SPECC1: variants seen among roughly 807,000 people sequenced by gnomAD.
SPECC1 encodes the protein cytospin-B.
In SPECC1, 62 loss-of-function variants were observed where a neutral mutation model predicts 104.1. The observed-to-expected ratio is 0.60, with a 90% CI of 0.49 to 0.74. SPECC1 has a LOEUF of 0.74. SPECC1 is among the 30% of genes least tolerant of loss of function. The pLI, the probability that SPECC1 is intolerant of heterozygous loss-of-function variation, is 0.00. For missense variants in SPECC1, 1,306 were observed against 1,310.5 expected, an observed-to-expected ratio of 1.00 and a Z score of 0.05; for synonymous variants, 513 against 501.6, an observed-to-expected ratio of 1.02 and a Z score of -0.30.
Position 20,110,752 on chromosome 17 carries a change from C to G in SPECC1, c.283+190C>G, listed in dbSNP as rs564748659. ...GTTTACATCTATAGAGTGGGGAGAC[C>G]GATGAGAAGCAAAAGGTAACTGGGC... On this transcript the variant is annotated intron_variant, in intron 3 of 14. Coordinates refer to ENST00000395527, the MANE Select transcript of SPECC1 (RefSeq NM_001243439.2). 1.1e-4 allele frequency among the ~76,000 whole-genome samples: 16 copies of G among 152,114 alleles called. No homozygotes were observed. The South Asian group carries it at 3.1e-3, about 30-fold the overall frequency.
At chr17:20,186,206 A>C (rs781149848) in intron 3 of SPECC1, among the ~76,000 whole-genome samples, 12 of 152,190 alleles carry the variant, frequency 7.9e-5, no homozygotes, top group Admixed American at 2.0e-4. Context: ...TTGTGAATTC[A>C]GTTTCAGACC....
rs188024139 is a variant in SPECC1 at position 20,190,009 on chromosome 17, A to G, written c.284-14324A>G. Among the ~76,000 whole-genome samples, 175 of 152,186 alleles carry G rather than the reference A, an allele frequency of 1.1e-3. 1 individual carries two copies. The highest frequency in any genetic ancestry group is 3.9e-3 in the Admixed American group (59 of 15,282). The stretch of plus-strand genomic sequence containing the variant: ...GTTTTTTTCCCTCCATTTGATTTGC[A>G]AAGACAATTTCTATTGACTTTTAGT... On this transcript the variant is annotated intron_variant, in intron 3 of 14. Transcript: ENST00000395527.
chr17:20,247,907 C>G lies in SPECC1; in HGVS notation c.2598+588C>G, dbSNP rs1479106106. Among the ~76,000 whole-genome samples the G allele has an allele frequency of 8.5e-5, 13 of 152,276 alleles. No individual in the cohort carries two copies. In the Middle Eastern group the frequency reaches 0.01, roughly 120 times the overall value. ...TTGGTACTGAGGGCTGGAGAAAGGTCTAGGCTGCACTGAGCTTCCAGGAAA... is the reference window on the plus strand; with the variant it reads ...TTGGTACTGAGGGCTGGAGAAAGGTGTAGGCTGCACTGAGCTTCCAGGAAA... On this transcript the variant is annotated intron_variant, in intron 9 of 14. Transcript: ENST00000395527.
At chr17:20,047,336 A>T (rs1278717734) in intron 1 of SPECC1, among the ~76,000 whole-genome samples, 4 of 152,078 alleles carry the variant, frequency 2.6e-5, no homozygotes, top group Non-Finnish European at 5.9e-5. Context: ...AAGACTGCAG[A>T]TGGTCTGCCT....
chr17:20,061,519 C>T (rs966770212), intron 1 of SPECC1, among the ~76,000 whole-genome samples: 1 of 152,214 alleles, frequency 6.6e-6, no homozygotes, highest in Admixed American at 6.5e-5. Context: ...TCTGAGAGTG[C>T]ACCTGGTAGA....
At chr17:20,248,498 C>CAT (rs2039507063) in intron 9 of SPECC1, among the ~76,000 whole-genome samples, 1 of 152,186 alleles carries the variant, frequency 6.6e-6, no homozygotes, top group Non-Finnish European at 1.5e-5. Flanking sequence ...ACTTGATAGA[C>CAT]ACATTGCCCT....
At chr17:20,218,167 T>C (rs910955441) in intron 4 of SPECC1, among the ~76,000 whole-genome samples, 1 of 152,250 alleles carries the variant, frequency 6.6e-6, no homozygotes, top group Non-Finnish European at 1.5e-5. Flanking sequence ...CTACCTAGTG[T>C]TGTATATATA....
At chr17:20,312,106 A>G (rs888508668) in intron 14 of SPECC1, among the ~76,000 whole-genome samples, 44 of 152,346 alleles carry the variant, frequency 2.9e-4, no homozygotes, top group African/African-American at 1.0e-3. Flanking sequence ...TTTTGGTATC[A>G]GGATAATGTT....
chr17:20,193,428 C>T (rs566004293), intron 3 of SPECC1, among the ~76,000 whole-genome samples: 18 of 152,168 alleles, frequency 1.2e-4, no homozygotes, highest in Non-Finnish European at 2.2e-4. Flanking sequence ...TTCCCCCCTC[C>T]CTTTTATAAG....
intron 14 of SPECC1, among the ~76,000 whole-genome samples, chr17:20,307,689 G>A (rs1444936441): frequency 6.6e-6 from 1 of 151,876 alleles, no homozygotes; most frequent in Non-Finnish European, 1.5e-5. Context: ...AAGAGACAGG[G>A]ACAAAAAAAA....
intron 13 of SPECC1, 32 bp downstream of exon 13, chr17:20,297,109 T>C (rs1240725908): frequency 1.9e-6 from 3 of 1,589,214 alleles, no homozygotes; most frequent in Non-Finnish European, 2.6e-6. Flanking sequence ...TTGGTTATCC[T>C]CTAAGAAATG....
At chr17:20,094,687 T>A (rs993618908) in intron 1 of SPECC1, among the ~76,000 whole-genome samples, 7 of 152,004 alleles carry the variant, frequency 4.6e-5, no homozygotes, top group African/African-American at 1.7e-4. Context: ...TATTTTTTTT[T>A]TTTATTTAGA....
intron 1 of SPECC1, among the ~76,000 whole-genome samples, chr17:20,052,604 A>G (rs2045816023): frequency 6.6e-6 from 1 of 152,206 alleles, no homozygotes; most frequent in South Asian, 2.1e-4. Context: ...GACATCTCCA[A>G]GATACCAAGT....
intron 3 of SPECC1, among the ~76,000 whole-genome samples, chr17:20,154,565 T>G (rs1824351826): frequency 6.6e-6 from 1 of 151,970 alleles, no homozygotes; most frequent in Non-Finnish European, 1.5e-5. Context: ...AAGAGGAGGA[T>G]TATTCAGGGC....
chr17:20,267,882 T>A (rs1407799004), intron 12 of SPECC1, among the ~76,000 whole-genome samples: 2 of 152,124 alleles, frequency 1.3e-5, no homozygotes, highest in African/African-American at 4.8e-5. Context: ...TGCTTTGCCT[T>A]CTGCTTTCCC....
intron 4 of SPECC1, among the ~76,000 whole-genome samples, chr17:20,210,139 T>G (rs543816980): frequency 6.6e-6 from 1 of 152,286 alleles, no homozygotes; most frequent in South Asian, 2.1e-4. Flanking sequence ...GAGGGAAATA[T>G]GTGGCAAATA....
rs554639225 is a variant in SPECC1 at position 20,205,309 on chromosome 17, G to A, written c.1260G>A (p.Thr420=). 6.8e-6 allele frequency: 11 copies of A among 1,614,076 alleles called. No individual in the cohort carries two copies. Among genetic ancestry groups the A allele is most frequent in the Middle Eastern group, 1.6e-4 (1 of 6,084 alleles). ...AENEKLVDEK[T]ILETSFHQHR... Reference sequence around the variant, plus strand: ...ATGAGAAGCTGGTGGATGAAAAGACGATTTTAGAGACATCCTTTCATCAGC... The same window carrying A: ...ATGAGAAGCTGGTGGATGAAAAGACAATTTTAGAGACATCCTTTCATCAGC... Residue 420 remains threonine (T), a synonymous_variant, in exon 4 of 15, where the codon ACG becomes ACA. Transcript: ENST00000395527.
intron 1 of SPECC1, among the ~76,000 whole-genome samples, chr17:20,063,058 C>A (rs1348087180): frequency 7.9e-5 from 12 of 152,120 alleles, no homozygotes; most frequent in Admixed American, 5.9e-4. Flanking sequence ...CTTATAATTC[C>A]CATCCCAACT....
intron 7 of SPECC1, among the ~76,000 whole-genome samples, chr17:20,234,258 C>T (rs953157258): frequency 2.0e-5 from 3 of 152,112 alleles, no homozygotes; most frequent in Non-Finnish European, 4.4e-5. Context: ...TCTCAAAAAA[C>T]ATTTCAAAAT....
Sources: gnomAD v4.1 joint callset for allele counts (sites outside exome capture counted in the v4.1 genomes callset) on GRCh38, gnomAD v4.1.1 for gene constraint, MANE v1.5 for transcripts, NCBI Gene and HGNC (gene_info 2026-07-23, HGNC 2026-07-21) for gene names.